ELP4: variants seen among roughly 807,000 people sequenced by gnomAD.
ELP4 encodes elongator acetyltransferase complex subunit 4, also known as elongator complex protein 4.
ELP4 carries 51 observed loss-of-function variants against 48.9 expected under a neutral mutation model. The observed-to-expected ratio is 1.04, with a 90% CI of 0.83 to 1.32. The LOEUF (loss-of-function observed/expected upper bound fraction) is 1.32, where lower values mean the gene tolerates loss of function less well. ELP4 is among the 40% of genes most tolerant of loss of function. The pLI is 0.00. For synonymous variants in ELP4, 210 were observed against 189.2 expected, an observed-to-expected ratio of 1.11 and a Z score of -0.90; for missense variants, 519 against 514.6, an observed-to-expected ratio of 1.01 and a Z score of -0.08.
chr11:31,608,146 A>ATG (rs1957908130), intron 5 of ELP4, among the ~76,000 whole-genome samples: 1 of 151,954 alleles, frequency 6.6e-6, no homozygotes, highest in South Asian at 2.1e-4. Context: ...CAGAGCATAT[A>ATG]TGACAGTTTG....
chr11:31,617,873 G>A (rs1944527836), intron 5 of ELP4, among the ~76,000 whole-genome samples: 1 of 152,032 alleles, frequency 6.6e-6, no homozygotes, highest in Non-Finnish European at 1.5e-5. Context: ...TAGCTGATGA[G>A]AACATAAAAT....
In ELP4 at chr11:31,574,153, A is replaced by G. The variant is rs1592129634; in HGVS notation, c.382-20617A>G. The stretch of plus-strand genomic sequence containing the variant: ...CTTCTAAAATCTTATTCTAGAAATA[A>G]TGCTGAGAATGCTAGTAACATAAGA... On this transcript the variant is annotated intron_variant, in intron 3 of 9. Transcript: ENST00000640961. Among the ~76,000 whole-genome samples the G allele has an allele frequency of 4.6e-5, 7 of 152,328 alleles. No homozygotes were observed. The South Asian group carries it at 1.4e-3, about 32-fold the overall frequency.
intron 9 of ELP4, among the ~76,000 whole-genome samples, chr11:31,776,113 T>C (rs1227617262): frequency 7.2e-6 from 1 of 139,374 alleles, no homozygotes. Flanking sequence ...ATTGCGCCAG[T>C]GTACATCAGC....
intron 9 of ELP4, among the ~76,000 whole-genome samples, chr11:31,690,431 A>G (rs1294344470): frequency 6.6e-6 from 1 of 151,976 alleles, no homozygotes; most frequent in Non-Finnish European, 1.5e-5. Context: ...CTAAAAAAAA[A>G]TATATATATT....
intron 3 of ELP4, among the ~76,000 whole-genome samples, chr11:31,579,605 C>A (rs575221039): frequency 2.8e-4 from 43 of 151,978 alleles, no homozygotes; most frequent in African/African-American, 9.2e-4. Context: ...CTATGCAGCC[C>A]TAAAAAAGGA....
At chr11:31,590,186 C>T (rs1442978466) in intron 3 of ELP4, among the ~76,000 whole-genome samples, 4 of 152,082 alleles carry the variant, frequency 2.6e-5, no homozygotes, top group Non-Finnish European at 4.4e-5. Context: ...AGTTTATTAT[C>T]GAACACTGAA....
At chr11:31,690,786 GTTTT>G (rs1239518822) in intron 9 of ELP4, among the ~76,000 whole-genome samples, 2 of 128,652 alleles carry the variant, frequency 1.6e-5, no homozygotes, top group African/African-American at 5.7e-5. Context: ...TTTCATGTGG[GTTTT>G]TTTTCCTTTT....
chr11:31,558,389 A>G (rs142331117), intron 3 of ELP4, among the ~76,000 whole-genome samples: 1 of 152,248 alleles, frequency 6.6e-6, no homozygotes, highest in East Asian at 1.9e-4. Flanking sequence ...CGACTCTCCA[A>G]CTCTCTATCA....
rs1316539078 is a variant in ELP4 at position 31,766,691 on chromosome 11, CTGAAAATAAATATATAA to C, written c.1144-16683_1144-16667del. 1.7e-3 allele frequency among the ~76,000 whole-genome samples: 252 copies of C among 151,734 alleles called. 2 individuals are homozygous for C. Among genetic ancestry groups the C allele is most frequent in the African/African-American group, 5.9e-3 (243 of 41,386 alleles). ...AAACACCTATAGATACTAGTGTTAC[CTGAAAATAAATATATAA>C]TGAAAATAAATATATAATTGAAGAT... On this transcript the variant is annotated intron_variant, in intron 9 of 9. Coordinates refer to ENST00000640961, the MANE Select transcript of ELP4 (RefSeq NM_019040.5).
chr11:31,677,415 C>T (rs1945948671), intron 9 of ELP4, among the ~76,000 whole-genome samples: 1 of 152,168 alleles, frequency 6.6e-6, no homozygotes, highest in Non-Finnish European at 1.5e-5. Flanking sequence ...TAGAGAATAA[C>T]TATGGAAACT....
chr11:31,519,336 G>A (rs1015523903), intron 1 of ELP4, among the ~76,000 whole-genome samples: 8 of 152,100 alleles, frequency 5.3e-5, no homozygotes, highest in African/African-American at 1.9e-4. Flanking sequence ...TATTAATGTG[G>A]AATTTCTATA....
intron 9 of ELP4, among the ~76,000 whole-genome samples, chr11:31,757,051 T>C (rs1947849575): frequency 6.6e-6 from 1 of 152,218 alleles, no homozygotes; most frequent in African/African-American, 2.4e-5. Context: ...AAAATCATAC[T>C]GAAATATAGA....
intron 9 of ELP4, among the ~76,000 whole-genome samples, chr11:31,778,953 C>A (rs963735363): frequency 1.3e-5 from 2 of 152,292 alleles, no homozygotes; most frequent in Admixed American, 6.5e-5. Context: ...AACTCCCAGG[C>A]TCCCACTTCG....
chr11:31,599,803 C>T (rs1219305559), intron 4 of ELP4: 1 of 152,188 alleles, frequency 6.6e-6, no homozygotes, highest in Non-Finnish European at 1.5e-5. Flanking sequence ...AATCACTTCT[C>T]ACCAGGATCC....
chr11:31,736,030 C>T (rs1947308526), intron 9 of ELP4, among the ~76,000 whole-genome samples: 1 of 152,098 alleles, frequency 6.6e-6, no homozygotes, highest in South Asian at 2.1e-4. Context: ...CAATCCTAAG[C>T]CAAAATAGCA....
At chr11:31,534,393 G>A (rs1257906996) in intron 2 of ELP4, among the ~76,000 whole-genome samples, 3 of 151,652 alleles carry the variant, frequency 2.0e-5, no homozygotes, top group African/African-American at 4.9e-5. Context: ...TGAGTTACTG[G>A]GTTTCATCTT....
chr11:31,782,834 AT>A (rs1175403715), intron 9 of ELP4, among the ~76,000 whole-genome samples: 1 of 152,148 alleles, frequency 6.6e-6, no homozygotes, highest in African/African-American at 2.4e-5. Context: ...GGTTGGTATC[AT>A]TTTTTTATGT....
chr11:31,571,408 C>T (rs1444426887), intron 3 of ELP4, among the ~76,000 whole-genome samples: 1 of 152,188 alleles, frequency 6.6e-6, no homozygotes, highest in African/African-American at 2.4e-5. Flanking sequence ...TTCTAGTTCT[C>T]TTGCTCTTTC....
At chr11:31,575,827 T>G (rs1469095490) in intron 3 of ELP4, among the ~76,000 whole-genome samples, 1 of 152,186 alleles carries the variant, frequency 6.6e-6, no homozygotes, top group Non-Finnish European at 1.5e-5. Context: ...TACTAGCCAC[T>G]GCAAAAACAT....
Sources: allele counts gnomAD v4.1 joint callset (sites outside exome capture counted in the v4.1 genomes callset), GRCh38; gene constraint gnomAD v4.1.1; transcripts MANE v1.5; gene names NCBI Gene and HGNC (gene_info 2026-07-23, HGNC 2026-07-21).